Variants in POLE observed in about 807,000 individuals in gnomAD.
POLE encodes DNA polymerase epsilon catalytic subunit A.
Under a neutral mutation model 279.2 loss-of-function variants are expected in POLE, and 188 were observed. That is an observed-to-expected ratio of 0.67 (90% CI 0.60 to 0.76). The LOEUF is 0.76. Among genes scored for constraint, POLE ranks in the 30% least tolerant of loss-of-function variants. POLE has a pLI of 0.00. For missense variants in POLE, 2,703 were observed against 3,016.7 expected, an observed-to-expected ratio of 0.90 and a Z score of 2.44; for synonymous variants, 1,214 against 1,172.5, an observed-to-expected ratio of 1.04 and a Z score of -0.72.
In POLE at chr12:132,624,979, G is replaced by C. The variant is rs765125852; in HGVS notation, c.6673C>G (p.Arg2225Gly). 20 of 1,613,770 alleles carry C rather than the reference G, an allele frequency of 1.2e-5. No individual in the cohort carries two copies. In the South Asian group the frequency reaches 2.0e-4, roughly 16 times the overall value. Residue 2225 changes from arginine to glycine, a missense_variant, in exon 48 of 49, where the codon CGC (arginine) becomes GGC (glycine). By Grantham distance (125) the Arg-to-Gly change is moderately radical. This residue lies in a region of POLE where 1,551 missense variants were observed against 1,686.1 expected (regional missense o/e 0.92). Transcript: ENST00000320574. ...GGCATGCTGGTCTCCTTCACCCCGC[G>C]GCACTTCAGGCAGACCTGAAAGGGA... ...TLQDLVCLKC[R>G]GVKETSMPVY...
chr12:132,680,284 A>C, intron 3 of POLE, 62 bp from the exon 4 acceptor site: 2 of 1,459,768 alleles, frequency 1.4e-6, no homozygotes, highest in East Asian at 2.3e-5. Flanking sequence ...AGAAAAGTGA[A>C]AACACATTGC....
At chr12:132,626,411 T>A in intron 45 of POLE, 94 bp from the exon 46 acceptor site, 1 of 1,189,010 alleles carries the variant, frequency 8.4e-7, no homozygotes, top group South Asian at 1.3e-5. Flanking sequence ...GGCTACAGTT[T>A]CCTGGTGTCC....
rs555774342 is a variant in POLE, at chr12:132,679,613, C to G, written c.462G>C (p.Arg154Ser). Residue 154 changes from arginine to serine, a missense_variant, in exon 6 of 49, where the codon AGG becomes AGC. Arg to Ser is a moderately radical substitution (Grantham distance 110). Transcript: ENST00000320574. ...GATCCTCCACAGTGTGGAAGGACAG[C>G]CTGATGTAATTTCGCTTCAAACCCA... ...HLVGLKRNYI[R>S]LSFHTVEDLV... The G allele has an allele frequency of 6.2e-7, 1 of 1,613,034 alleles. No individual in the cohort carries two copies. Among genetic ancestry groups the G allele is most frequent in the Admixed American group, 1.7e-5 (1 of 60,010 alleles).
chr12:132,665,436 C>G lies in POLE; in HGVS notation c.2334G>C (p.Lys778Asn). ...CGCCCACCTCCACGGCCGCCGAGAGCTTCTTTTTCCACACCTGAGAAGCAC... is the reference window on the plus strand; with the variant it reads ...CGCCCACCTCCACGGCCGCCGAGAGGTTCTTTTTCCACACCTGAGAAGCAC... ...FKGLHKVWKK[K>N]LSAAVEVGDA... Residue 778 changes from lysine (K) to asparagine (N), a missense_variant, in exon 21 of 49, where the codon AAG (lysine) becomes AAC (asparagine). Lys to Asn is a moderately conservative substitution (Grantham distance 94). Coordinates refer to ENST00000320574, the MANE Select transcript of POLE (RefSeq NM_006231.4). 3 of 1,611,074 alleles carry G rather than the reference C, an allele frequency of 1.9e-6. No individual in the cohort carries two copies. Among genetic ancestry groups the G allele is most frequent in the Non-Finnish European group, 2.5e-6 (3 of 1,179,700 alleles).
rs760906908 is a variant in POLE, at chr12:132,661,326, G to C, written c.2865-162C>G. Among the ~76,000 whole-genome samples the C allele has an allele frequency of 7.9e-5, 12 of 152,284 alleles. No homozygotes were observed. The highest frequency in any genetic ancestry group is 2.6e-4 in the Admixed American group (4 of 15,290). On this transcript the variant is annotated intron_variant, in intron 24 of 48. Transcript: ENST00000320574. This position sits in a 1 kb window ranked among gnomAD's most constrained non-coding sequence, Gnocchi z 4.1. ...CCCTTAGGCCACTGCTTCTCTAAAAGGAAAATGGCTGAAGGGCCTGCAGCC... is the reference window on the plus strand; with the variant it reads ...CCCTTAGGCCACTGCTTCTCTAAAACGAAAATGGCTGAAGGGCCTGCAGCC...
chr12:132,648,831 G>C, intron 32 of POLE, 98 bp downstream of exon 32: 1 of 1,255,302 alleles, frequency 8.0e-7, no homozygotes, highest in Non-Finnish European at 1.1e-6. Context: ...ATCCCCATAA[G>C]GTACTGAGGA....
In POLE at chr12:132,664,174, C is replaced by T. The variant is rs778860575; in HGVS notation, c.2562-26G>A. The T allele has an allele frequency of 1.9e-6, 3 of 1,612,188 alleles. No individual in the cohort carries two copies. The highest frequency in any genetic ancestry group is 2.2e-5 in the South Asian group (2 of 91,040). On this transcript the variant is annotated intron_variant, in intron 22 of 48. Transcript: ENST00000320574. This position sits in a 1 kb window ranked among gnomAD's most constrained non-coding sequence, Gnocchi z 5.3. ...CTTCAGAGAAAGAGAGGAGCAAGGTCGTGAGTTCCCCTTTCCTTTTCACCC... is the reference window on the plus strand; with the variant it reads ...CTTCAGAGAAAGAGAGGAGCAAGGTTGTGAGTTCCCCTTTCCTTTTCACCC...
intron 32 of POLE, among the ~76,000 whole-genome samples, chr12:132,645,860 G>A (rs1343653970): frequency 6.6e-6 from 1 of 151,960 alleles, no homozygotes; most frequent in Non-Finnish European, 1.5e-5. Flanking sequence ...ATATGAACTG[G>A]AACAATTAGT....
Position 132,647,569 on chromosome 12 carries a change from C to T in POLE, c.4149+1360G>A, listed in dbSNP as rs960040708. Among the ~76,000 whole-genome samples the T allele has an allele frequency of 7.2e-5, 11 of 152,030 alleles. No homozygotes were observed. In the East Asian group the frequency reaches 2.1e-3, roughly 29 times the overall value. On this transcript the variant is annotated intron_variant, in intron 32 of 48. Transcript: ENST00000320574. ...GAAACAGCTAATACACACAGAGGAA[C>T]AGAATCTGAAGATATCATCCTGGAG...
chr12:132,628,210 C>CGG (rs1555301549), intron 45 of POLE, among the ~76,000 whole-genome samples: 2 of 152,006 alleles, frequency 1.3e-5, no homozygotes, highest in Non-Finnish European at 2.9e-5. Context: ...GGTGTGGTGG[C>CGG]GCTTGCCTGT....
chr12:132,642,443 A>G (rs2138532619), intron 37 of POLE, 46 bp from the exon 38 acceptor site: 2 of 1,597,736 alleles, frequency 1.3e-6, no homozygotes, highest in Non-Finnish European at 1.7e-6. Context: ...GCCGGGTCAC[A>G]GAGACCACCG....
chr12:132,661,356 A>C lies in POLE; in HGVS notation c.2864+171T>G, dbSNP rs145377229. On this transcript the variant is annotated intron_variant, in intron 24 of 48. Coordinates refer to ENST00000320574, the MANE Select transcript of POLE (RefSeq NM_006231.4). The surrounding 1 kb of genome is among the most constrained non-coding windows in gnomAD (Gnocchi z 4.1). ...ATGGCTGAAGGGCCTGCAGCCACAG[A>C]GCCAGAATACAGCAGGCGGGCAGAC... 1.8e-4 allele frequency among the ~76,000 whole-genome samples: 28 copies of C among 152,338 alleles called. No individual in the cohort carries two copies. The East Asian group carries it at 5.4e-3, about 29-fold the overall frequency.
At position 132,673,670 on chromosome 12, in the gene POLE, G is replaced by C. The variant is rs745356467; in HGVS notation, c.1264C>G (p.His422Asp). Residue 422 changes from histidine (H) to aspartate (D), a missense_variant, in exon 13 of 49, where the codon CAT (histidine) becomes GAT (aspartate). His to Asp is a moderately conservative substitution (Grantham distance 81). Around this residue, in one of 5 missense-constraint regions of POLE, gnomAD observed 1,011 missense variants for 1,111.7 expected, o/e 0.91. Transcript: ENST00000320574. ...KRDSYLPVGS[H>D]NLKAAAKAKL... ...GCCTTGGCGGCCGCCTTGAGATTAT[G>C]ACTGCCCACAGGAAGGTAACTGTCC... The C allele has an allele frequency of 4.3e-6, 7 of 1,613,888 alleles. No individual in the cohort carries two copies. The highest frequency in any genetic ancestry group is 1.3e-5 in the African/African-American group (1 of 74,934).
At chr12:132,655,882 A>G (rs73483350) in intron 29 of POLE, among the ~76,000 whole-genome samples, 275 of 152,184 alleles carry the variant, frequency 1.8e-3, no homozygotes, top group African/African-American at 6.2e-3. Flanking sequence ...ATACTGGCCC[A>G]TAAGCCACTG....
intron 20 of POLE, 113 bp downstream of exon 20, chr12:132,667,390 G>A (rs112907081): frequency 1.7e-4 from 187 of 1,071,900 alleles, no homozygotes; most frequent in Middle Eastern, 6.0e-4. Flanking sequence ...GTTACCATCC[G>A]AGTGCAAGTG....
In POLE at chr12:132,672,482, G is replaced by C. The variant is rs934056848; in HGVS notation, c.1686+145C>G. On this transcript the variant is annotated intron_variant, in intron 15 of 48. Coordinates refer to ENST00000320574, the MANE Select transcript of POLE (RefSeq NM_006231.4). ...GTGCACTGCCCTAAAGAAGCCCCCG[G>C]GGGGTGCTGGGCCAGAGAAGCCACA... 37 of 1,053,574 alleles carry C rather than the reference G, an allele frequency of 3.5e-5. No individual in the cohort carries two copies. In the African/African-American group the frequency reaches 5.8e-4, roughly 17 times the overall value. 65.3% of individuals were successfully genotyped at this position (1,053,574 alleles called of 1,614,324 possible).
intron 45 of POLE, among the ~76,000 whole-genome samples, chr12:132,629,208 A>G (rs780289324): frequency 1.3e-5 from 2 of 152,220 alleles, no homozygotes; most frequent in African/African-American, 2.4e-5. Context: ...GAGCAGTACT[A>G]TTTTGGAAGG....
chr12:132,645,572 G>C (rs1240798964), intron 32 of POLE, among the ~76,000 whole-genome samples: 2 of 152,196 alleles, frequency 1.3e-5, no homozygotes, highest in Non-Finnish European at 2.9e-5. Flanking sequence ...TTGGGCACTG[G>C]AATTAACCGT....
Position 132,675,600 on chromosome 12 carries a change from A to T in POLE, c.1107-83T>A. ...CTCCATTCCTCCCTCAGACCCAGGG[A>T]GGAACCCAGACACGGGAGGTGCAGA... On this transcript the variant is annotated intron_variant, in intron 11 of 48. Transcript: ENST00000320574. This position sits in a 1 kb window ranked among gnomAD's most constrained non-coding sequence, Gnocchi z 4.3. 6.3e-7 allele frequency: 1 copy of T among 1,598,530 alleles called. No homozygotes were observed. Among genetic ancestry groups the T allele is most frequent in the Non-Finnish European group, 8.5e-7 (1 of 1,170,710 alleles).
Sources: gnomAD v4.1 joint callset for allele counts (sites outside exome capture counted in the v4.1 genomes callset) on GRCh38, gnomAD v4.1.1 for gene constraint, gnomAD v4.1.1 regional missense constraint, Gnocchi (gnomAD v3.1) non-coding constraint, MANE v1.5 for transcripts, NCBI Gene and HGNC (gene_info 2026-07-23, HGNC 2026-07-21) for gene names.